Variants in SUGCT observed in about 807,000 individuals in gnomAD.
The protein encoded by SUGCT is succinyl-CoA:glutarate CoA-transferase.
Under a neutral mutation model 55.0 loss-of-function variants are expected in SUGCT, and 41 were observed. The ratio of observed to expected loss-of-function variants is 0.74; its 90% confidence interval spans 0.58 to 0.97. The LOEUF is 0.97. Among genes scored for constraint, SUGCT ranks in the 50% least tolerant of loss-of-function variants. SUGCT has a pLI of 0.00. For synonymous variants in SUGCT, 187 were observed against 200.4 expected (o/e 0.93, Z 0.56); for missense variants, 568 against 547.8 (o/e 1.04, Z -0.37).
At chr7:40,689,686 C>T (rs1243608255) in intron 12 of SUGCT, among the ~76,000 whole-genome samples, 2 of 150,526 alleles carry the variant, frequency 1.3e-5, no homozygotes, top group Non-Finnish European at 2.9e-5. Flanking sequence ...AAACAGACCA[C>T]GTCTGTTTGC....
At chr7:40,849,726 C>T (rs945283316) in intron 13 of SUGCT, among the ~76,000 whole-genome samples, 38 of 151,734 alleles carry the variant, frequency 2.5e-4, no homozygotes, top group African/African-American at 8.7e-4. Context: ...CCACCGGGAC[C>T]GTGTTACGGA....
At chr7:40,706,368 G>A (rs1412552124) in intron 12 of SUGCT, among the ~76,000 whole-genome samples, 1 of 152,094 alleles carries the variant, frequency 6.6e-6, no homozygotes, top group Non-Finnish European at 1.5e-5. Flanking sequence ...TTAGCCGGGA[G>A]TGGTGGTGCA....
At chr7:40,453,771 C>T (rs1789321504) in intron 10 of SUGCT, among the ~76,000 whole-genome samples, 1 of 152,140 alleles carries the variant, frequency 6.6e-6, no homozygotes, top group African/African-American at 2.4e-5. Flanking sequence ...AGGATACAAT[C>T]CATTATTACT....
At chr7:40,166,023 G>C (rs763204247) in intron 1 of SUGCT, among the ~76,000 whole-genome samples, 2 of 152,218 alleles carry the variant, frequency 1.3e-5, no homozygotes, top group Non-Finnish European at 2.9e-5. Context: ...TCAGGAGGCT[G>C]AGGCAGGAGA....
At chr7:40,903,037 C>CTTTTT in the SUGCT span, among the ~76,000 whole-genome samples, 4 of 144,896 alleles carry the variant, frequency 2.8e-5, no homozygotes, top group Admixed American at 6.9e-5. Flanking sequence ...CTTTTCTTTT[C>CTTTTT]TTTTTTTTTT....
chr7:40,250,772 T>TGG (rs1308838053), intron 7 of SUGCT, among the ~76,000 whole-genome samples: 1 of 150,642 alleles, frequency 6.6e-6, no homozygotes, highest in African/African-American at 2.5e-5. Flanking sequence ...AAAGATCCTG[T>TGG]GGGGGTTGAG....
At position 40,544,483 on chromosome 7, in the gene SUGCT, C is replaced by T. The variant is rs545858316; in HGVS notation, c.1089+48097C>T. ...GTGCATTTTATCATGCCGAAGCTGA[C>T]GGTGGTGACAAGTTCCACATTAAAT... On this transcript the variant is annotated intron_variant, in intron 12 of 13. Coordinates refer to ENST00000335693, the MANE Select transcript of SUGCT (RefSeq NM_001193313.2). Among the ~76,000 whole-genome samples, 6 of 152,272 alleles carry T rather than the reference C, an allele frequency of 3.9e-5. No individual in the cohort carries two copies. In the South Asian group the frequency reaches 6.2e-4, roughly 16 times the overall value.
At chr7:40,568,449 A>C (rs1036094490) in intron 12 of SUGCT, among the ~76,000 whole-genome samples, 12 of 152,146 alleles carry the variant, frequency 7.9e-5, no homozygotes, top group Non-Finnish European at 1.6e-4. Context: ...TCTCAAACAA[A>C]ACTTATAGAA....
At chr7:40,542,801 A>T (rs937994717) in intron 12 of SUGCT, among the ~76,000 whole-genome samples, 10 of 152,200 alleles carry the variant, frequency 6.6e-5, no homozygotes, top group African/African-American at 2.2e-4. Context: ...AGCTTTAGGG[A>T]ACCCTGTTTA....
intron 13 of SUGCT, among the ~76,000 whole-genome samples, chr7:40,750,326 A>C (rs1262421156): frequency 6.6e-6 from 1 of 152,052 alleles, no homozygotes; most frequent in Non-Finnish European, 1.5e-5. Context: ...TTGTGTCCAT[A>C]TTTTCTAGAC....
At chr7:40,820,423 T>C (rs563201972) in intron 13 of SUGCT, among the ~76,000 whole-genome samples, 55 of 152,316 alleles carry the variant, frequency 3.6e-4, no homozygotes, top group Non-Finnish European at 6.8e-4. Context: ...CATTTGTTTG[T>C]GTCCTCTTTT....
the SUGCT span, among the ~76,000 whole-genome samples, chr7:40,992,277 C>T: frequency 2.0e-3 from 304 of 152,166 alleles, no homozygotes; most frequent in African/African-American, 6.9e-3. Context: ...ATGACACTGG[C>T]GGGAGTGTCT....
At position 40,293,024 on chromosome 7, in the gene SUGCT, G is replaced by C. The variant is rs79112831; in HGVS notation, c.720+18368G>C. ...GAAGACAGGTTCAGAGCTGTATTTA[G>C]AGCATAAGTTTTCTGTCAATGGAGG... On this transcript the variant is annotated intron_variant, in intron 8 of 13. Transcript: ENST00000335693. Among the ~76,000 whole-genome samples the C allele has an allele frequency of 6.7e-3, 1,016 of 152,232 alleles. 21 individuals are homozygous for C. The highest frequency in any genetic ancestry group is 0.023 in the African/African-American group (966 of 41,566).
chr7:40,166,694 C>T lies in SUGCT; in HGVS notation c.101-14253C>T, dbSNP rs541027938. ...CTGAGGTCAGGAGTTTGAGAGCAGC[C>T]TAGCCTACATGATGAAACCCTGTCT... On this transcript the variant is annotated intron_variant, in intron 1 of 13. Transcript: ENST00000335693. Among the ~76,000 whole-genome samples the T allele has an allele frequency of 7.9e-5, 12 of 152,218 alleles. 1 individual carries two copies. The South Asian group carries it at 2.1e-3, about 26-fold the overall frequency.
At chr7:40,587,512 A>C (rs2151725598) in intron 12 of SUGCT, among the ~76,000 whole-genome samples, 1 of 152,358 alleles carries the variant, frequency 6.6e-6, no homozygotes, top group East Asian at 1.9e-4. Context: ...AATTCATAAA[A>C]GTGATGTGTG....
At chr7:40,569,939 C>T (rs1796352697) in intron 12 of SUGCT, among the ~76,000 whole-genome samples, 1 of 152,124 alleles carries the variant, frequency 6.6e-6, no homozygotes, top group Non-Finnish European at 1.5e-5. Flanking sequence ...TTTCACCAAT[C>T]ATGAAGTGTG....
the SUGCT span, among the ~76,000 whole-genome samples, chr7:41,012,830 A>C: frequency 2.6e-5 from 4 of 152,124 alleles, no homozygotes; most frequent in African/African-American, 4.8e-5. Flanking sequence ...TAATGCTATG[A>C]GTGTATTTTT....
intron 9 of SUGCT, among the ~76,000 whole-genome samples, chr7:40,386,964 A>G (rs1372206556): frequency 6.6e-6 from 1 of 151,900 alleles, no homozygotes; most frequent in Non-Finnish European, 1.5e-5. Context: ...CCTTACTCTC[A>G]CACCAATGCA....
intron 13 of SUGCT, among the ~76,000 whole-genome samples, chr7:40,794,001 G>A (rs35628600): frequency 0.4 from 60,426 of 150,978 alleles, 12,794 homozygotes; most frequent in Middle Eastern, 0.57. Context: ...GTTTTCACAT[G>A]TTATTCTTAT....
Sources: allele counts gnomAD v4.1 joint callset (sites outside exome capture counted in the v4.1 genomes callset), GRCh38; gene constraint gnomAD v4.1.1; transcripts MANE v1.5; gene names NCBI Gene and HGNC (gene_info 2026-07-23, HGNC 2026-07-21).